The following PAX5 variants were observed in gnomAD, a reference collection of about 807,000 sequenced individuals.
PAX5 encodes the protein paired box 5, also known as paired box protein Pax-5.
A neutral mutation model predicts 43.7 loss-of-function variants in PAX5; 9 were observed. The ratio of observed to expected loss-of-function variants is 0.21; its 90% CI spans 0.12 to 0.36. The LOEUF (loss-of-function observed/expected upper bound fraction) is 0.36. Among genes scored for constraint, PAX5 ranks in the 10% least tolerant of loss-of-function variants. PAX5 has a pLI of 1.00. For missense variants in PAX5, 383 were observed against 532.7 expected (o/e 0.72, Z 2.77); for synonymous variants, 228 against 214.3 (o/e 1.06, Z -0.56).
At chr9:36,949,611 G>GT (rs1461799381) in intron 6 of PAX5, among the ~76,000 whole-genome samples, 8 of 151,992 alleles carry the variant, frequency 5.3e-5, no homozygotes, top group African/African-American at 1.9e-4. Context: ...CAAAACTAAC[G>GT]TAACAGGTTG....
At chr9:36,961,709 C>T (rs968964769) in intron 6 of PAX5, among the ~76,000 whole-genome samples, 4 of 152,172 alleles carry the variant, frequency 2.6e-5, no homozygotes, top group East Asian at 1.9e-4. Flanking sequence ...TTCCTGTGGC[C>T]GCCGGAGGAG....
At chr9:37,028,183 C>G (rs77077520) in intron 1 of PAX5, among the ~76,000 whole-genome samples, 1 of 152,320 alleles carries the variant, frequency 6.6e-6, no homozygotes, top group South Asian at 2.1e-4. Context: ...CCATCAGGCT[C>G]GTGATGGGAT....
At chr9:36,851,319 A>T (rs1227594750) in intron 8 of PAX5, among the ~76,000 whole-genome samples, 1 of 152,164 alleles carries the variant, frequency 6.6e-6, no homozygotes, top group Non-Finnish European at 1.5e-5. Flanking sequence ...GGGGTAGAAG[A>T]ACATTGAAGA....
intron 2 of PAX5, among the ~76,000 whole-genome samples, chr9:37,016,287 C>T (rs1286413401): frequency 1.3e-5 from 2 of 152,156 alleles, no homozygotes; most frequent in African/African-American, 4.8e-5. Context: ...ACTTATTTTT[C>T]TGTAAGAGAA....
chr9:37,034,256 T>C lies in PAX5; in HGVS notation c.-225A>G, dbSNP rs1486971189. 1.8e-6 allele frequency: 1 copy of C among 544,672 alleles called. No individual in the cohort carries two copies. The highest frequency in any genetic ancestry group is 2.3e-5 in the South Asian group (1 of 43,386). The allele number at this position is 544,672 out of a possible 1,614,324, so 33.7% of individuals were successfully genotyped here. ...AAAAGCGTCCGAAGGCACCGTGAAATGATTAAGGAACTAAAGAGCTTCTCG... is the reference window on the plus strand; with the variant it reads ...AAAAGCGTCCGAAGGCACCGTGAAACGATTAAGGAACTAAAGAGCTTCTCG... On this transcript the variant is annotated 5_prime_UTR_variant, in exon 1 of 10. Transcript: ENST00000358127.
intron 1 of PAX5, among the ~76,000 whole-genome samples, chr9:37,025,034 C>T (rs949792590): frequency 1.1e-4 from 17 of 152,194 alleles, no homozygotes; most frequent in Non-Finnish European, 2.5e-4. Context: ...ATCAGGTCCT[C>T]CCCAGAGCCA....
chr9:36,932,262 CA>C (rs1212460401), intron 6 of PAX5, among the ~76,000 whole-genome samples: 2 of 151,720 alleles, frequency 1.3e-5, no homozygotes. Flanking sequence ...GACCTTGTCT[CA>C]AAAAAATAAT....
intron 5 of PAX5, among the ~76,000 whole-genome samples, chr9:36,992,130 C>CT (rs1836996650): frequency 6.7e-6 from 1 of 148,910 alleles, no homozygotes; most frequent in African/African-American, 2.5e-5. Flanking sequence ...CCCCACCCCC[C>CT]AACCCTCCCA....
At chr9:37,002,322 G>C (rs1231132178) in intron 5 of PAX5, among the ~76,000 whole-genome samples, 1 of 152,100 alleles carries the variant, frequency 6.6e-6, no homozygotes, top group Non-Finnish European at 1.5e-5. Context: ...CCCTGCCCTC[G>C]GGCCGCATAT....
chr9:37,026,617 C>T lies in PAX5; in HGVS notation c.47-5816G>A, dbSNP rs10973168. 11,907 of 1,351,560 alleles carry T rather than the reference C, an allele frequency of 8.8e-3. 197 individuals carry two copies. The East Asian group carries it at 0.093, about 11-fold the overall frequency. The allele number at this position is 1,351,560 out of a possible 1,614,324, so 83.7% of individuals were successfully genotyped here. A position where few individuals can be genotyped will look rare whatever the true frequency, so the allele number is the denominator to read the frequency against. On this transcript the variant is annotated intron_variant, in intron 1 of 9. Transcript: ENST00000358127. ...GCAGGCCGGCCCACGCCGCCGCCTC[C>T]CGGCGCCAAGGGGCTGCCCAGGGCG... is the stretch of plus-strand genomic sequence containing the variant.
chr9:36,880,924 A>G (rs932959047), intron 8 of PAX5, among the ~76,000 whole-genome samples: 2 of 152,194 alleles, frequency 1.3e-5, no homozygotes, highest in African/African-American at 2.4e-5. Context: ...AGTGTGTGTT[A>G]GGAGGAGATA....
chr9:36,850,106 G>A (rs1394688460), intron 8 of PAX5, among the ~76,000 whole-genome samples: 3 of 152,330 alleles, frequency 2.0e-5, no homozygotes, highest in South Asian at 2.1e-4. Context: ...CCAGGCACAA[G>A]CAAAGGCCCG....
chr9:36,923,613 TCATGAACACTTCCAGTGTTGAAAGGGCA>T, intron 6 of PAX5, 129 bp from the exon 7 acceptor site: 2 of 997,252 alleles, frequency 2.0e-6, no homozygotes, highest in Non-Finnish European at 2.9e-6. Context: ...CACAAGGGGC[TCATGAACACTTCCAGTGTTGAAAGGGCA>T]GAGTCAGCTT....
chr9:37,017,817 C>T (rs1356198478), intron 2 of PAX5, among the ~76,000 whole-genome samples: 1 of 152,252 alleles, frequency 6.6e-6, no homozygotes, highest in African/African-American at 2.4e-5. Context: ...TTGACTGACA[C>T]ATGGGCCAGG....
chr9:36,837,332 C>G lies in PAX5; in HGVS notation c.*3228G>C, dbSNP rs190448882. 8.6e-6 allele frequency: 2 copies of G among 233,242 alleles called. No homozygotes were observed. The highest frequency in any genetic ancestry group is 1.7e-5 in the Non-Finnish European group (2 of 118,022). The allele number at this position is 233,242 out of a possible 1,614,324, so 14.4% of individuals were successfully genotyped here. A position where few individuals can be genotyped will look rare whatever the true frequency, so the allele number is the denominator to read the frequency against. On this transcript the variant is annotated 3_prime_UTR_variant, in exon 10 of 10. Coordinates refer to ENST00000358127, the MANE Select transcript of PAX5 (RefSeq NM_016734.3). ...GGAAGGGCTAGCCTTAACTAAGGTG[C>G]CTTGGGAAAGGGATGTTGGGTTTGA...
In PAX5 at chr9:36,902,714, G is replaced by A. The variant is rs1033553215; in HGVS notation, c.911-20609C>T. Among the ~76,000 whole-genome samples, 9 of 152,364 alleles carry A rather than the reference G, an allele frequency of 5.9e-5. No individual in the cohort carries two copies. The South Asian group carries it at 1.9e-3, about 32-fold the overall frequency. On this transcript the variant is annotated intron_variant, in intron 7 of 9. Transcript: ENST00000358127. The stretch of plus-strand genomic sequence containing the variant: ...GCCTTTTATTCCATCAGCCTCATTA[G>A]CACAAGACGGATTTTAAAATAATGA...
At chr9:36,926,232 T>C (rs1259847813) in intron 6 of PAX5, among the ~76,000 whole-genome samples, 2 of 152,150 alleles carry the variant, frequency 1.3e-5, no homozygotes, top group East Asian at 1.9e-4. Flanking sequence ...ATCTTTATAC[T>C]CTCAGTACCT....
At chr9:36,884,220 C>T (rs1826723544) in intron 7 of PAX5, among the ~76,000 whole-genome samples, 1 of 152,130 alleles carries the variant, frequency 6.6e-6, no homozygotes, top group Non-Finnish European at 1.5e-5. Context: ...AGACTAGTCT[C>T]ACAATTTGTT....
intron 6 of PAX5, among the ~76,000 whole-genome samples, chr9:36,961,836 G>A (rs1286501879): frequency 3.9e-5 from 6 of 152,272 alleles, no homozygotes; most frequent in East Asian, 1.9e-4. Flanking sequence ...ACACGTGCAC[G>A]CACACACACT....
Sources: allele counts gnomAD v4.1 joint callset (sites outside exome capture counted in the v4.1 genomes callset), GRCh38; gene constraint gnomAD v4.1.1; transcripts MANE v1.5; gene names NCBI Gene and HGNC (gene_info 2026-07-23, HGNC 2026-07-21).